MEI1: variants seen among roughly 807,000 people sequenced by gnomAD.
MEI1 encodes the protein meiosis inhibitor protein 1.
Under a neutral mutation model 146.2 loss-of-function variants are expected in MEI1, and 103 were observed. The observed-to-expected ratio is 0.70, with a 90% CI of 0.60 to 0.83. The LOEUF is 0.83. Among genes scored for constraint, MEI1 ranks in the 40% least tolerant of loss-of-function variants. The pLI is 0.00. For missense variants in MEI1, 1,529 were observed against 1,533.0 expected (o/e 1.00, Z 0.04); for synonymous variants, 652 against 628.2 (o/e 1.04, Z -0.57).
In MEI1 at chr22:41,739,770, G is replaced by T. The variant is rs537997455; in HGVS notation, c.1332-3310G>T. Among the ~76,000 whole-genome samples the T allele has an allele frequency of 5.9e-5, 9 of 152,288 alleles. No homozygotes were observed. The East Asian group carries it at 1.5e-3, about 26-fold the overall frequency. ...CTTCCAGCAGGACACTGCTAGAGGG[G>T]ACCAGTAGTGCCTTTTGGGCAGGAA... On this transcript the variant is annotated intron_variant, in intron 11 of 30. Coordinates refer to ENST00000401548, the MANE Select transcript of MEI1 (RefSeq NM_152513.4).
chr22:41,770,427 T>G (rs185339637), intron 19 of MEI1, among the ~76,000 whole-genome samples: 1 of 152,002 alleles, frequency 6.6e-6, no homozygotes, highest in East Asian at 1.9e-4. Flanking sequence ...CCAATAGCAT[T>G]CCCCCAATCA....
rs185948249 is a variant in MEI1 at position 41,720,235 on chromosome 22, G to A, written c.733+1961G>A. Among the ~76,000 whole-genome samples the A allele has an allele frequency of 4.5e-4, 69 of 152,192 alleles. 1 individual carries two copies. The highest frequency in any genetic ancestry group is 4.5e-3 in the Admixed American group (68 of 15,272). ...GAGGAAGGCAGAAACACGGGCCAGA[G>A]CACGAGGTATGAAGCAGCCTGTATC... On this transcript the variant is annotated intron_variant, in intron 6 of 30. Coordinates refer to ENST00000401548, the MANE Select transcript of MEI1 (RefSeq NM_152513.4).
At chr22:41,765,314 C>CTTA (rs1267655908) in intron 19 of MEI1, among the ~76,000 whole-genome samples, 1 of 152,028 alleles carries the variant, frequency 6.6e-6, no homozygotes, top group Non-Finnish European at 1.5e-5. Flanking sequence ...CCGTGCCCAG[C>CTTA]CAGAAAATTT....
At chr22:41,785,731 T>A (rs549117135) in intron 26 of MEI1, among the ~76,000 whole-genome samples, 13 of 149,376 alleles carry the variant, frequency 8.7e-5, no homozygotes, top group Admixed American at 6.7e-4. Flanking sequence ...GCCCGGCTAA[T>A]TTTTGTATTT....
intron 3 of MEI1, among the ~76,000 whole-genome samples, chr22:41,712,097 G>A (rs12170293): frequency 0.082 from 11,765 of 143,512 alleles, 1,284 homozygotes; most frequent in African/African-American, 0.26. Flanking sequence ...CCAACTACTC[G>A]GGAGGCTGAG....
At chr22:41,714,716 C>CAA (rs59541417) in intron 4 of MEI1, among the ~76,000 whole-genome samples, 1 of 144,906 alleles carries the variant, frequency 6.9e-6, no homozygotes, top group Non-Finnish European at 1.5e-5. Flanking sequence ...ACTAAAAATA[C>CAA]AAAAAAAAAA....
rs141844785 is a variant in MEI1, at chr22:41,783,490, C to A, written c.3088-849C>A. The stretch of plus-strand genomic sequence containing the variant: ...TATTTTTAGTAGAGACGGGGTTTCT[C>A]CAAGTTGGTCAGGCTGGTCTTGAAC... On this transcript the variant is annotated intron_variant, in intron 24 of 30. Coordinates refer to ENST00000401548, the MANE Select transcript of MEI1 (RefSeq NM_152513.4). Among the ~76,000 whole-genome samples the A allele has an allele frequency of 6.6e-3, 1,008 of 152,282 alleles. 12 individuals are homozygous for A. The highest frequency in any genetic ancestry group is 0.022 in the African/African-American group (931 of 41,552).
intron 6 of MEI1, among the ~76,000 whole-genome samples, chr22:41,722,383 G>A (rs968407893): frequency 1.3e-5 from 2 of 151,668 alleles, no homozygotes; most frequent in African/African-American, 4.8e-5. Flanking sequence ...CTGCAGCCTC[G>A]AACTCCTGGC....
intron 13 of MEI1, 114 bp downstream of exon 13, chr22:41,745,178 G>C (rs912748423): frequency 5.3e-6 from 4 of 748,660 alleles, no homozygotes; most frequent in Non-Finnish European, 2.0e-6. Flanking sequence ...CTGCTGTATG[G>C]CAAAGAGGAC....
Position 41,794,364 on chromosome 22 carries a change from C to T in MEI1, c.3428-7C>T, listed in dbSNP as rs2076291835. On this transcript the variant is annotated splice_polypyrimidine_tract_variant and splice_region_variant and intron_variant, in intron 27 of 30. Coordinates refer to ENST00000401548, the MANE Select transcript of MEI1 (RefSeq NM_152513.4). ...TGGAAGCATTAACAACCCAGTGTTT[C>T]TTGAAGCTCTCCACGTGGCCTCCCA... is the stretch of plus-strand genomic sequence containing the variant. The T allele has an allele frequency of 6.2e-7, 1 of 1,612,784 alleles. No individual in the cohort carries two copies. The highest frequency in any genetic ancestry group is 8.5e-7 in the Non-Finnish European group (1 of 1,178,780).
Position 41,799,333 on chromosome 22 carries a change from G to T in MEI1, c.*34G>T. 6.2e-7 allele frequency: 1 copy of T among 1,606,062 alleles called. No homozygotes were observed. The highest frequency in any genetic ancestry group is 1.1e-5 in the South Asian group (1 of 90,878). ...ACTTGAAGGCCCAGAAGTGGAGAGA[G>T]AATGAGACCTGGAGACAAAGGGCAT... On this transcript the variant is annotated 3_prime_UTR_variant, in exon 31 of 31. Transcript: ENST00000401548.
chr22:41,729,423 T>C (rs1400788179), intron 7 of MEI1, among the ~76,000 whole-genome samples: 1 of 152,202 alleles, frequency 6.6e-6, no homozygotes, highest in Non-Finnish European at 1.5e-5. Context: ...TACAGTGTTC[T>C]TTGAGTGCCC....
intron 3 of MEI1, 128 bp downstream of exon 3, chr22:41,705,682 A>G: frequency 1.4e-6 from 1 of 735,242 alleles, no homozygotes; most frequent in South Asian, 1.6e-5. Context: ...TTAGTTTTCA[A>G]TCACTAATTC....
At chr22:41,731,158 A>C (rs1355728117) in intron 9 of MEI1, among the ~76,000 whole-genome samples, 10 of 143,354 alleles carry the variant, frequency 7.0e-5, no homozygotes, top group African/African-American at 1.0e-4. Flanking sequence ...GGTTCAAGCA[A>C]TTCTCCTGCC....
chr22:41,700,830 A>G (rs1253508449), intron 1 of MEI1, among the ~76,000 whole-genome samples: 1 of 143,384 alleles, frequency 7.0e-6, no homozygotes, highest in Non-Finnish European at 1.5e-5. Flanking sequence ...TTGAACTCCT[A>G]GTCTCAAGCA....
chr22:41,701,066 A>T (rs771679465), intron 1 of MEI1, among the ~76,000 whole-genome samples: 20 of 150,514 alleles, frequency 1.3e-4, no homozygotes, highest in Non-Finnish European at 2.2e-4. Flanking sequence ...CAGCCTTCCG[A>T]GTAGCTGGGA....
chr22:41,781,966 AC>A, intron 24 of MEI1, 121 bp downstream of exon 24: 1 of 1,090,562 alleles, frequency 9.2e-7, no homozygotes, highest in Non-Finnish European at 1.3e-6. Flanking sequence ...CAAGGTATTT[AC>A]CCTTTCTGAG....
At position 41,781,863 on chromosome 22, in the gene MEI1, G is replaced by A. The variant is rs968643391; in HGVS notation, c.3087+18G>A. ...GTTTGCAGGTTAGTCTTTAACTCCTGTGGCTTTGAGGCATGGGGTGGCACT... is the reference window on the plus strand; with the variant it reads ...GTTTGCAGGTTAGTCTTTAACTCCTATGGCTTTGAGGCATGGGGTGGCACT... On this transcript the variant is annotated intron_variant, in intron 24 of 30. Transcript: ENST00000401548. 1.2e-6 allele frequency: 2 copies of A among 1,613,010 alleles called. No individual in the cohort carries two copies. Among genetic ancestry groups the A allele is most frequent in the Non-Finnish European group, 1.7e-6 (2 of 1,179,198 alleles).
intron 3 of MEI1, among the ~76,000 whole-genome samples, chr22:41,710,443 A>G (rs1401550295): frequency 1.3e-5 from 2 of 152,238 alleles, no homozygotes; most frequent in Non-Finnish European, 1.5e-5. Flanking sequence ...TCTCTGACCC[A>G]TGTATTCTAC....
Sources: allele counts gnomAD v4.1 joint callset (sites outside exome capture counted in the v4.1 genomes callset), GRCh38; gene constraint gnomAD v4.1.1; transcripts MANE v1.5; gene names NCBI Gene and HGNC (gene_info 2026-07-23, HGNC 2026-07-21).